The following SAMD4A variants were observed in gnomAD, a reference collection of about 807,000 sequenced individuals.
SAMD4A encodes sterile alpha motif domain containing 4A.
SAMD4A carries 33 observed loss-of-function variants against 81.3 expected under a neutral mutation model. The ratio of observed to expected loss-of-function variants is 0.41; its 90% CI spans 0.31 to 0.54. The LOEUF (loss-of-function observed/expected upper bound fraction) is 0.54, where lower values mean the gene tolerates loss of function less well. Among genes scored for constraint, SAMD4A ranks in the 20% least tolerant of loss-of-function variants. SAMD4A has a pLI of 0.37. For missense variants in SAMD4A, 854 were observed against 951.1 expected (o/e 0.90, Z 1.34); for synonymous variants, 389 against 382.1 (o/e 1.02, Z -0.21).
Position 54,781,460 on chromosome 14 carries a change from A to C in SAMD4A, c.2045-3077A>C, listed in dbSNP as rs115864119. Among the ~76,000 whole-genome samples the C allele has an allele frequency of 1.0e-2, 1,522 of 152,334 alleles. 24 individuals carry two copies. The highest frequency in any genetic ancestry group is 0.035 in the African/African-American group (1,440 of 41,570). On this transcript the variant is annotated intron_variant, in intron 11 of 12. Transcript: ENST00000554335. ...CGTGTGGGACTTCTGAAAAGATACA[A>C]TTAATGTCTCAAGTCAGCCTAGACC...
intron 2 of SAMD4A, among the ~76,000 whole-genome samples, chr14:54,615,376 A>G (rs1230700527): frequency 4.6e-5 from 7 of 152,236 alleles, no homozygotes; most frequent in Admixed American, 6.5e-5. Context: ...ACCTCTGCCA[A>G]TGTTTACATG....
chr14:54,757,724 C>T (rs2038284331), intron 6 of SAMD4A, among the ~76,000 whole-genome samples: 2 of 152,180 alleles, frequency 1.3e-5, no homozygotes, highest in South Asian at 4.1e-4. Context: ...CATGGGGAAG[C>T]TTCATCCCTC....
intron 2 of SAMD4A, among the ~76,000 whole-genome samples, chr14:54,677,954 A>T (rs376680474): frequency 6.6e-6 from 1 of 152,202 alleles, no homozygotes; most frequent in Non-Finnish European, 1.5e-5. Flanking sequence ...CTGTCTATCA[A>T]TCGTAAAGGA....
At chr14:54,637,614 G>A (rs536487201) in intron 2 of SAMD4A, among the ~76,000 whole-genome samples, 3 of 152,250 alleles carry the variant, frequency 2.0e-5, no homozygotes, top group Admixed American at 6.5e-5. Context: ...AGGGAATAGT[G>A]AGAAAGAGCC....
chr14:54,575,153 T>C (rs971866782), intron 2 of SAMD4A, among the ~76,000 whole-genome samples: 2 of 152,144 alleles, frequency 1.3e-5, no homozygotes, highest in African/African-American at 4.8e-5. Context: ...AACCTAAGTG[T>C]CCTAGGAGAG....
intron 2 of SAMD4A, chr14:54,682,189 T>C (rs2036144386): frequency 2.6e-6 from 1 of 391,694 alleles, no homozygotes; most frequent in Non-Finnish European, 3.5e-6. Flanking sequence ...TCTTGAGGTA[T>C]GAGTTTATAG....
chr14:54,623,593 G>T (rs1291158762), intron 2 of SAMD4A, among the ~76,000 whole-genome samples: 1 of 147,924 alleles, frequency 6.8e-6, no homozygotes, highest in Non-Finnish European at 1.5e-5. Flanking sequence ...AATTCTGTTG[G>T]TAGAAATAAA....
chr14:54,701,701 T>C (rs945851225), intron 2 of SAMD4A, among the ~76,000 whole-genome samples: 3 of 152,242 alleles, frequency 2.0e-5, no homozygotes, highest in Non-Finnish European at 2.9e-5. Context: ...CACTTTTCTA[T>C]GGAGAGCTTC....
intron 2 of SAMD4A, among the ~76,000 whole-genome samples, chr14:54,637,464 G>A (rs2035063549): frequency 2.6e-5 from 4 of 151,966 alleles, no homozygotes; most frequent in Admixed American, 2.6e-4. Flanking sequence ...AGCCAGGAGA[G>A]GGTGGAGCTC....
At chr14:54,777,225 C>T (rs1227881986) in intron 11 of SAMD4A, among the ~76,000 whole-genome samples, 1 of 150,456 alleles carries the variant, frequency 6.6e-6, no homozygotes, top group Non-Finnish European at 1.5e-5. Flanking sequence ...TGCCCCAAGG[C>T]AGGCAAACTG....
chr14:54,660,331 G>A (rs1594781427), intron 2 of SAMD4A, among the ~76,000 whole-genome samples: 1 of 152,338 alleles, frequency 6.6e-6, no homozygotes. Context: ...GTCCCAGAGA[G>A]TAATGGGCCA....
chr14:54,731,832 T>C (rs2037564730), intron 3 of SAMD4A, among the ~76,000 whole-genome samples: 1 of 152,132 alleles, frequency 6.6e-6, no homozygotes, highest in Non-Finnish European at 1.5e-5. Flanking sequence ...GTATAGAGAA[T>C]GATATTAGGA....
intron 2 of SAMD4A, among the ~76,000 whole-genome samples, chr14:54,583,833 C>A (rs1457024534): frequency 6.6e-6 from 1 of 152,188 alleles, no homozygotes; most frequent in Non-Finnish European, 1.5e-5. Flanking sequence ...GGTGTGCAGA[C>A]TGTTCAGGCA....
At chr14:54,601,501 G>C (rs963054570) in intron 2 of SAMD4A, among the ~76,000 whole-genome samples, 1 of 152,094 alleles carries the variant, frequency 6.6e-6, no homozygotes, top group Non-Finnish European at 1.5e-5. Context: ...CATTCATATT[G>C]GGTGGGGATG....
In SAMD4A at chr14:54,567,769, G is replaced by A; in HGVS notation, c.-148G>A. Reference sequence around the variant, plus strand: ...CCAGACAAGAGAGGCAGGAGCCCAGGCAGTACCTGCAGCGTCCGGGCACCA... The same window carrying A: ...CCAGACAAGAGAGGCAGGAGCCCAGACAGTACCTGCAGCGTCCGGGCACCA... On this transcript the variant is annotated 5_prime_UTR_variant, in exon 2 of 13. Coordinates refer to ENST00000554335, the MANE Select transcript of SAMD4A (RefSeq NM_015589.6). 1 of 705,694 alleles carries A rather than the reference G, an allele frequency of 1.4e-6. No individual in the cohort carries two copies. The highest frequency in any genetic ancestry group is 2.2e-6 in the Non-Finnish European group (1 of 445,062). 43.7% of individuals were successfully genotyped at this position (705,694 alleles called of 1,614,324 possible).
rs766851150 is a variant in SAMD4A at position 54,792,854 on chromosome 14, T to G, written c.*3910T>G. The G allele has an allele frequency of 6.6e-6, 1 of 152,198 alleles. No homozygotes were observed. Among genetic ancestry groups the G allele is most frequent in the Non-Finnish European group, 1.5e-5 (1 of 68,038 alleles). The allele number at this position is 152,198 out of a possible 1,614,324, so 9.4% of individuals were successfully genotyped here. A position where few individuals can be genotyped will look rare whatever the true frequency, so the allele number is the denominator to read the frequency against. ...ATGTTAATAATGTCGAACAGAAAAC[T>G]TCCTCCCTTATTAATATATAATCCT... is the stretch of plus-strand genomic sequence containing the variant. On this transcript the variant is annotated 3_prime_UTR_variant, in exon 13 of 13. Coordinates refer to ENST00000554335, the MANE Select transcript of SAMD4A (RefSeq NM_015589.6).
intron 5 of SAMD4A, 106 bp from the exon 6 acceptor site, chr14:54,751,345 A>G: frequency 1.4e-6 from 1 of 704,182 alleles, no homozygotes; most frequent in Non-Finnish European, 2.4e-6. Context: ...GCCCGTGAAC[A>G]TATAGGAGCA....
At chr14:54,738,273 C>G (rs1300105959) in intron 4 of SAMD4A, among the ~76,000 whole-genome samples, 1 of 152,188 alleles carries the variant, frequency 6.6e-6, no homozygotes, top group African/African-American at 2.4e-5. Flanking sequence ...ACTGATTCCC[C>G]TCCCTTCACG....
At chr14:54,710,848 C>T (rs1239708250) in intron 3 of SAMD4A, among the ~76,000 whole-genome samples, 1 of 152,178 alleles carries the variant, frequency 6.6e-6, no homozygotes, top group Non-Finnish European at 1.5e-5. Flanking sequence ...CTTCTTTATC[C>T]GTATTTCCCA....
Sources: gnomAD v4.1 joint callset for allele counts (sites outside exome capture counted in the v4.1 genomes callset) on GRCh38, gnomAD v4.1.1 for gene constraint, MANE v1.5 for transcripts, NCBI Gene and HGNC (gene_info 2026-07-23, HGNC 2026-07-21) for gene names.